Variants in KIF13A observed in about 807,000 individuals in gnomAD.
KIF13A encodes the protein kinesin family member 13A, also known as kinesin-like protein KIF13A.
Under a neutral mutation model 212.2 loss-of-function variants are expected in KIF13A, and 79 were observed. That is an observed-to-expected ratio of 0.37 (90% CI 0.31 to 0.45). The LOEUF (loss-of-function observed/expected upper bound fraction) is 0.45. Among genes scored for constraint, KIF13A ranks in the 20% least tolerant of loss-of-function variants. KIF13A has a pLI of 1.00. For missense variants in KIF13A, 1,901 were observed against 2,209.0 expected (o/e 0.86, Z 2.79); for synonymous variants, 789 against 808.6 (o/e 0.98, Z 0.41).
intron 2 of KIF13A, among the ~76,000 whole-genome samples, chr6:17,975,539 G>A (rs1257457774): frequency 6.6e-6 from 1 of 151,858 alleles, no homozygotes; most frequent in African/African-American, 2.4e-5. Context: ...TCATTGCAAA[G>A]ACCAAAAGAA....
At chr6:17,798,193 G>A (rs1050120120) in intron 22 of KIF13A, among the ~76,000 whole-genome samples, 25 of 139,856 alleles carry the variant, frequency 1.8e-4, no homozygotes, top group African/African-American at 6.5e-4. Flanking sequence ...ACATTTTAGC[G>A]ATGAAAAAAC....
In KIF13A at chr6:17,795,000, T is replaced by C; in HGVS notation, c.2943-296A>G. The stretch of plus-strand genomic sequence containing the variant: ...ACCTCAGAAAGTTTGCTCATATGCA[T>C]TCCCATTCAATCCCCACATTCCCGT... On this transcript the variant is annotated intron_variant, in intron 23 of 38. Coordinates refer to ENST00000259711, the MANE Select transcript of KIF13A (RefSeq NM_022113.6). The surrounding 1 kb of genome is among the most constrained non-coding windows in gnomAD (Gnocchi z 4.1). 1 of 281,788 alleles carries C rather than the reference T, an allele frequency of 3.5e-6. No homozygotes were observed. The highest frequency in any genetic ancestry group is 6.6e-6 in the Non-Finnish European group (1 of 151,220). 17.5% of individuals were successfully genotyped at this position (281,788 alleles called of 1,614,324 possible).
At chr6:17,985,007 T>C (rs1781419793) in intron 2 of KIF13A, among the ~76,000 whole-genome samples, 3 of 152,196 alleles carry the variant, frequency 2.0e-5, no homozygotes, top group Admixed American at 2.0e-4. Context: ...GAAACCAAGC[T>C]GCATAATGAA....
rs1764884967 is a variant in KIF13A, at chr6:17,825,495, T to C, written c.1786+273A>G. On this transcript the variant is annotated intron_variant, in intron 16 of 38. Transcript: ENST00000259711. This position sits in a 1 kb window ranked among gnomAD's most constrained non-coding sequence, Gnocchi z 4.5. ...AAGGAATTTTGTCAAAATCATTCAG[T>C]ACTCTAGGCCCGTGGAAATGTCACC... Among the ~76,000 whole-genome samples, 1 of 152,210 alleles carries C rather than the reference T, an allele frequency of 6.6e-6. No homozygotes were observed. The highest frequency in any genetic ancestry group is 6.5e-5 in the Admixed American group (1 of 15,274).
chr6:17,881,866 T>C (rs1429548320), intron 3 of KIF13A: 1 of 375,682 alleles, frequency 2.7e-6, no homozygotes, highest in Non-Finnish European at 5.3e-6. Flanking sequence ...TATGGTGGCA[T>C]GTGCCTGTTA....
Position 17,987,480 on chromosome 6 carries a change from CG to C in KIF13A, c.-18del. On this transcript the variant is annotated 5_prime_UTR_variant, in exon 1 of 39. Transcript: ENST00000259711. This position sits in a 1 kb window ranked among gnomAD's most constrained non-coding sequence, Gnocchi z 7.7. ...ATCCGACATGTTGGCTGCGCTCGCCCGGCCGCTCGCCGCGCCCGCTCGGCCT... is the reference window on the plus strand; with the variant it reads ...ATCCGACATGTTGGCTGCGCTCGCCCGCCGCTCGCCGCGCCCGCTCGGCCT... 7 of 1,248,608 alleles carry C rather than the reference CG, an allele frequency of 5.6e-6. No individual in the cohort carries two copies. Among genetic ancestry groups the C allele is most frequent in the Non-Finnish European group, 7.3e-6 (7 of 956,664 alleles). 77.3% of individuals were successfully genotyped at this position (1,248,608 alleles called of 1,614,324 possible). A position where few individuals can be genotyped will look rare whatever the true frequency, so the allele number is the denominator to read the frequency against.
intron 3 of KIF13A, among the ~76,000 whole-genome samples, chr6:17,896,592 A>C (rs1192258829): frequency 6.6e-6 from 1 of 152,168 alleles, no homozygotes; most frequent in African/African-American, 2.4e-5. Context: ...ACATTGTTTA[A>C]CATTGTGATT....
chr6:17,892,172 T>A lies in KIF13A; in HGVS notation c.159+5996A>T, dbSNP rs1468898246. Among the ~76,000 whole-genome samples the A allele has an allele frequency of 6.6e-6, 1 of 152,218 alleles. No individual in the cohort carries two copies. Among genetic ancestry groups the A allele is most frequent in the Non-Finnish European group, 1.5e-5 (1 of 68,044 alleles). Reference sequence around the variant, plus strand: ...CTCTTCCTTCTTTAGTTTATGTTGATTTGATTTTTCATTCACTCAGTTTCA... The same window carrying A: ...CTCTTCCTTCTTTAGTTTATGTTGAATTGATTTTTCATTCACTCAGTTTCA... On this transcript the variant is annotated intron_variant, in intron 3 of 38. Coordinates refer to ENST00000259711, the MANE Select transcript of KIF13A (RefSeq NM_022113.6). This position sits in a 1 kb window ranked among gnomAD's most constrained non-coding sequence, Gnocchi z 4.7.
In KIF13A at chr6:17,967,001, A is replaced by G. The variant is rs1581889776; in HGVS notation, c.146+20053T>C. 6.6e-6 allele frequency among the ~76,000 whole-genome samples: 1 copy of G among 152,344 alleles called. No individual in the cohort carries two copies. Among genetic ancestry groups the G allele is most frequent in the African/African-American group, 2.4e-5 (1 of 41,586 alleles). ...CTAATACTGCTTCCTTAATTAGGGA[A>G]AGAAAATACCAAATATTCCAGCAGT... On this transcript the variant is annotated intron_variant, in intron 2 of 38. Transcript: ENST00000259711. This position sits in a 1 kb window ranked among gnomAD's most constrained non-coding sequence, Gnocchi z 4.1.
intron 2 of KIF13A, among the ~76,000 whole-genome samples, chr6:17,983,036 G>T (rs1259208651): frequency 6.6e-6 from 1 of 151,936 alleles, no homozygotes; most frequent in Non-Finnish European, 1.5e-5. Context: ...AGCTGGGCGT[G>T]GTGGTGGCCG....
Position 17,888,721 on chromosome 6 carries a change from A to G in KIF13A, c.159+9447T>C, listed in dbSNP as rs1240469467. On this transcript the variant is annotated intron_variant, in intron 3 of 38. Coordinates refer to ENST00000259711, the MANE Select transcript of KIF13A (RefSeq NM_022113.6). This position sits in a 1 kb window ranked among gnomAD's most constrained non-coding sequence, Gnocchi z 4.8. ...AGGCCTGTAGTCCCACCTACTTGGA[A>G]GGCTGAGGTGAGAGAATTGCTTGAA... Among the ~76,000 whole-genome samples, 1 of 152,166 alleles carries G rather than the reference A, an allele frequency of 6.6e-6. No individual in the cohort carries two copies. The highest frequency in any genetic ancestry group is 1.9e-4 in the East Asian group (1 of 5,182).
Position 17,779,048 on chromosome 6 carries a change from T to A in KIF13A, c.3991A>T (p.Ser1331Cys). 6.2e-7 allele frequency: 1 copy of A among 1,613,712 alleles called. No homozygotes were observed. Residue 1331 changes from serine to cysteine, a missense_variant, in exon 33 of 39, where the codon AGT becomes TGT. Ser to Cys is a moderately radical substitution (Grantham distance 112, BLOSUM62 -1). Coordinates refer to ENST00000259711, the MANE Select transcript of KIF13A (RefSeq NM_022113.6). The stretch of plus-strand genomic sequence containing the variant: ...CCATCTGATGTGCCTTCGTTTTCAC[T>A]CCTTGCTGCCAGGAGAGCCAGCGTT... ...RETLALLAAR[S>C]ENEGTSDGET...
chr6:17,830,114 GTCAATCAGATA>G lies in KIF13A; in HGVS notation c.1401+976_1401+986del, dbSNP rs1765313818. Among the ~76,000 whole-genome samples, 3 of 152,298 alleles carry G rather than the reference GTCAATCAGATA, an allele frequency of 2.0e-5. No individual in the cohort carries two copies. In the South Asian group the frequency reaches 6.2e-4, roughly 32 times the overall value. On this transcript the variant is annotated intron_variant, in intron 13 of 38. Coordinates refer to ENST00000259711, the MANE Select transcript of KIF13A (RefSeq NM_022113.6). ...GTCAGTCACAGTGTCCTAAATCAAT[GTCAATCAGATA>G]TCTTATTTCTCACTTTGCAGAGTAA...
chr6:17,903,447 A>C (rs1048715881), intron 2 of KIF13A, among the ~76,000 whole-genome samples: 1 of 152,222 alleles, frequency 6.6e-6, no homozygotes, highest in African/African-American at 2.4e-5. Flanking sequence ...CAATAATCTC[A>C]GGTATTGACA....
At chr6:17,873,157 T>C (rs894968925) in intron 4 of KIF13A, 3 of 472,470 alleles carry the variant, frequency 6.3e-6, no homozygotes, top group African/African-American at 2.0e-5. Flanking sequence ...GGTGAACAAT[T>C]TGAAGCTTAA....
At chr6:17,833,014 CAAAAAAAAAAAAA>C (rs61281213) in intron 12 of KIF13A, among the ~76,000 whole-genome samples, 22,987 of 75,682 alleles carry the variant, frequency 0.3, 2,344 homozygotes, top group Admixed American at 0.47. Context: ...ACTCTGTCTG[CAAAAAAAAAAAAA>C]AAAAAAAAAA....
At chr6:17,877,946 T>C (rs1039142020) in intron 3 of KIF13A, among the ~76,000 whole-genome samples, 8 of 152,190 alleles carry the variant, frequency 5.3e-5, no homozygotes, top group African/African-American at 1.9e-4. Flanking sequence ...ACTTATCCAT[T>C]CACAAATATT....
Position 17,919,909 on chromosome 6 carries a change from T to C in KIF13A, c.147-21729A>G, listed in dbSNP as rs79271522. On this transcript the variant is annotated intron_variant, in intron 2 of 38. Transcript: ENST00000259711. This position sits in a 1 kb window ranked among gnomAD's most constrained non-coding sequence, Gnocchi z 4.1. ...TGTTTGAAGGAATAAGCTCCAGTGATCTGAAAAATTAACTTCTATTAAAAT... is the reference window on the plus strand; with the variant it reads ...TGTTTGAAGGAATAAGCTCCAGTGACCTGAAAAATTAACTTCTATTAAAAT... Among the ~76,000 whole-genome samples the C allele has an allele frequency of 6.2e-3, 941 of 152,292 alleles. 4 individuals are homozygous for C. Among genetic ancestry groups the C allele is most frequent in the Non-Finnish European group, 0.01 (686 of 68,030 alleles).
At chr6:17,905,288 A>G (rs1336794158) in intron 2 of KIF13A, among the ~76,000 whole-genome samples, 1 of 152,232 alleles carries the variant, frequency 6.6e-6, no homozygotes, top group African/African-American at 2.4e-5. Context: ...TTTATTGAGT[A>G]CTAACTCCCA....
Sources: gnomAD v4.1 joint callset for allele counts (sites outside exome capture counted in the v4.1 genomes callset) on GRCh38, gnomAD v4.1.1 for gene constraint, Gnocchi (gnomAD v3.1) non-coding constraint, MANE v1.5 for transcripts, NCBI Gene and HGNC (gene_info 2026-07-23, HGNC 2026-07-21) for gene names.